The following RDH12 variants were observed in gnomAD, a reference collection of about 807,000 sequenced individuals.
RDH12 encodes the protein all-trans and 9-cis retinol dehydrogenase.
A neutral mutation model predicts 34.0 loss-of-function variants in RDH12; 21 were observed. The observed-to-expected ratio is 0.62, with a 90% CI of 0.44 to 0.89. The LOEUF is 0.89. Among genes scored for constraint, RDH12 ranks in the 40% least tolerant of loss-of-function variants. The pLI is 0.00. For synonymous variants in RDH12, 198 were observed against 169.9 expected (o/e 1.17, Z -1.29); for missense variants, 394 against 398.6 (o/e 0.99, Z 0.10).
intron 8 of RDH12, among the ~76,000 whole-genome samples, chr14:67,731,494 C>T (rs1315841558): frequency 6.6e-6 from 1 of 151,940 alleles, no homozygotes; most frequent in East Asian, 1.9e-4. Context: ...GGATTGCAGG[C>T]GTGAGCCACT....
At chr14:67,729,855 A>C (rs760686635) in intron 8 of RDH12, 2 of 457,620 alleles carry the variant, frequency 4.4e-6, no homozygotes, top group Non-Finnish European at 8.8e-6. Context: ...TTAGTGCTGA[A>C]TCTTATCATG....
intron 1 of RDH12, among the ~76,000 whole-genome samples, chr14:67,717,639 C>T (rs796680075): frequency 2.4e-4 from 37 of 152,326 alleles, no homozygotes; most frequent in African/African-American, 6.7e-4. Context: ...GCTGGCAATG[C>T]CAGGAGACAT....
chr14:67,714,279 G>A (rs141865071), intron 1 of RDH12, among the ~76,000 whole-genome samples: 1 of 152,094 alleles, frequency 6.6e-6, no homozygotes, highest in African/African-American at 2.4e-5. Context: ...GGGACTGTAG[G>A]AGTGCACTCC....
intron 8 of RDH12, 184 bp downstream of exon 8, chr14:67,729,564 A>T: frequency 1.5e-6 from 1 of 667,092 alleles, no homozygotes; most frequent in Non-Finnish European, 2.7e-6. Flanking sequence ...ATGTGTTGGG[A>T]AGAGTTGCTT....
rs1354810204 is a variant in RDH12, at chr14:67,726,865, C to T, written c.449-116C>T. The T allele has an allele frequency of 1.4e-5, 12 of 857,110 alleles. No individual in the cohort carries two copies. The African/African-American group carries it at 2.0e-4, about 14-fold the overall frequency. 53.1% of individuals were successfully genotyped at this position (857,110 alleles called of 1,614,324 possible). Reference sequence around the variant, plus strand: ...TGACCATTAGAGTTACTCATGGCATCAAAATTGGTTCACACCCAGAAGATA... The same window carrying T: ...TGACCATTAGAGTTACTCATGGCATTAAAATTGGTTCACACCCAGAAGATA... On this transcript the variant is annotated intron_variant, in intron 6 of 8. Transcript: ENST00000551171.
intron 8 of RDH12, among the ~76,000 whole-genome samples, chr14:67,733,381 T>TGTA (rs373314440): frequency 6.6e-6 from 1 of 152,236 alleles, no homozygotes; most frequent in East Asian, 1.9e-4. Context: ...GGCACTGAAC[T>TGTA]GTAGTAGTAG....
At position 67,718,721 on chromosome 14, in the gene RDH12, G is replaced by T. The variant is rs566294207; in HGVS notation, c.-274-2127G>T. On this transcript the variant is annotated intron_variant, in intron 1 of 8. Coordinates refer to ENST00000551171, the MANE Select transcript of RDH12 (RefSeq NM_152443.3). ...CTTATGCCTATATCTGTCCCAGATT[G>T]AAAATCCCTAAAGAGCAGGTATCCT... Among the ~76,000 whole-genome samples the T allele has an allele frequency of 3.3e-5, 5 of 152,268 alleles. No homozygotes were observed. The East Asian group carries it at 9.6e-4, about 29-fold the overall frequency.
At chr14:67,704,892 G>A (rs2037935381) in intron 1 of RDH12, among the ~76,000 whole-genome samples, 5 of 152,186 alleles carry the variant, frequency 3.3e-5, no homozygotes, top group Admixed American at 3.3e-4. Context: ...ATTTCAGGAG[G>A]AACTCATCTG....
chr14:67,730,107 TGA>T (rs2038250288), intron 8 of RDH12, among the ~76,000 whole-genome samples: 1 of 152,262 alleles, frequency 6.6e-6, no homozygotes, highest in South Asian at 2.1e-4. Flanking sequence ...TACTCAGTTC[TGA>T]GTGTGTAATG....
chr14:67,733,884 C>T lies in RDH12; in HGVS notation c.*36C>T, dbSNP rs780341563. Reference sequence around the variant, plus strand: ...AGCTGCAGCTTTATCAGGCCCAATCCATGCCATAATGAACAGGGACCAAGG... The same window carrying T: ...AGCTGCAGCTTTATCAGGCCCAATCTATGCCATAATGAACAGGGACCAAGG... On this transcript the variant is annotated 3_prime_UTR_variant, in exon 9 of 9. Transcript: ENST00000551171. The T allele has an allele frequency of 3.4e-6, 5 of 1,490,186 alleles. No homozygotes were observed. In the South Asian group the frequency reaches 4.5e-5, roughly 13 times the overall value. The allele number at this position is 1,490,186 out of a possible 1,614,324, so 92.3% of individuals were successfully genotyped here.
intron 8 of RDH12, among the ~76,000 whole-genome samples, chr14:67,731,589 T>G (rs925361357): frequency 2.0e-5 from 3 of 152,002 alleles, no homozygotes; most frequent in African/African-American, 7.2e-5. Flanking sequence ...AAATATGTAA[T>G]AAAATATACA....
rs151234786 is a variant in RDH12 at position 67,702,156 on chromosome 14, A to T, written c.-275+221A>T. Reference sequence around the variant, plus strand: ...ATATATATATATTTTTTAAATGGAGATGAGATCTCATTATGTTGCCCAGGC... The same window carrying T: ...ATATATATATATTTTTTAAATGGAGTTGAGATCTCATTATGTTGCCCAGGC... On this transcript the variant is annotated intron_variant, in intron 1 of 8. Transcript: ENST00000551171. Among the ~76,000 whole-genome samples, 561 of 151,912 alleles carry T rather than the reference A, an allele frequency of 3.7e-3. 4 individuals are homozygous for T. The highest frequency in any genetic ancestry group is 0.034 in the Middle Eastern group (10 of 294).
rs1173642989 is a variant in RDH12 at position 67,725,083 on chromosome 14, T to C, written c.188-16T>C. The C allele has an allele frequency of 1.2e-6, 2 of 1,614,016 alleles. No individual in the cohort carries two copies. The highest frequency in any genetic ancestry group is 1.7e-5 in the Admixed American group (1 of 60,000). ...TAGGATATGAACATACTGCTCTTTTTTTGTCTTGGACCCAGGAGCCCGAGT... is the reference window on the plus strand; with the variant it reads ...TAGGATATGAACATACTGCTCTTTTCTTGTCTTGGACCCAGGAGCCCGAGT... On this transcript the variant is annotated splice_polypyrimidine_tract_variant and intron_variant, in intron 4 of 8. Coordinates refer to ENST00000551171, the MANE Select transcript of RDH12 (RefSeq NM_152443.3).
intron 1 of RDH12, chr14:67,706,087 A>G (rs2037947391): frequency 6.6e-6 from 1 of 152,190 alleles, no homozygotes; most frequent in African/African-American, 2.4e-5. Flanking sequence ...CAGCATCAAT[A>G]TAGTGACCTC....
chr14:67,730,938 G>A (rs1181057831), intron 8 of RDH12, among the ~76,000 whole-genome samples: 1 of 151,688 alleles, frequency 6.6e-6, no homozygotes, highest in African/African-American at 2.4e-5. Flanking sequence ...TCAACCTATA[G>A]TATAAAAAAA....
At chr14:67,725,383 C>A in intron 5 of RDH12, 129 bp downstream of exon 5, 1 of 953,714 alleles carries the variant, frequency 1.0e-6, no homozygotes, top group Admixed American at 2.0e-5. Context: ...GCCACATGAA[C>A]CAGCAGGACA....
intron 1 of RDH12, among the ~76,000 whole-genome samples, chr14:67,710,060 C>T (rs1388581813): frequency 6.6e-6 from 1 of 152,198 alleles, no homozygotes; most frequent in Non-Finnish European, 1.5e-5. Context: ...CACTTAGAGT[C>T]TTCCTGCCTT....
chr14:67,721,901 G>A (rs1019439672), intron 2 of RDH12, among the ~76,000 whole-genome samples: 1 of 152,134 alleles, frequency 6.6e-6, no homozygotes, highest in African/African-American at 2.4e-5. Context: ...CAGCGCTAGA[G>A]TCCATGCACT....
At chr14:67,725,830 T>C (rs1226946525) in intron 5 of RDH12, among the ~76,000 whole-genome samples, 2 of 152,212 alleles carry the variant, frequency 1.3e-5, no homozygotes, top group African/African-American at 4.8e-5. Flanking sequence ...GTGACAATGC[T>C]TATTGGATGT....
Sources: gnomAD v4.1 joint callset for allele counts (sites outside exome capture counted in the v4.1 genomes callset) on GRCh38, gnomAD v4.1.1 for gene constraint, MANE v1.5 for transcripts, NCBI Gene and HGNC (gene_info 2026-07-23, HGNC 2026-07-21) for gene names.